Variants in PRKCA observed in about 807,000 individuals in gnomAD.
PRKCA encodes the protein protein kinase C alpha type.
In PRKCA, 27 loss-of-function variants were observed where a neutral mutation model predicts 87.0. That is an observed-to-expected ratio of 0.31 (90% CI 0.23 to 0.43). PRKCA has a LOEUF of 0.43. Among genes scored for constraint, PRKCA ranks in the 20% least tolerant of loss-of-function variants. The pLI, the probability that PRKCA is intolerant of heterozygous loss-of-function variation, is 1.00. For missense variants in PRKCA, 518 were observed against 852.3 expected (o/e 0.61, Z 4.88); for synonymous variants, 329 against 311.1 (o/e 1.06, Z -0.61).
intron 8 of PRKCA, among the ~76,000 whole-genome samples, chr17:66,700,739 G>A (rs550686140): frequency 1.1e-4 from 16 of 152,142 alleles, no homozygotes; most frequent in Non-Finnish European, 1.9e-4. Context: ...AAATTTAACC[G>A]AGGAGGTGAA....
chr17:66,398,959 G>C (rs574305183), intron 2 of PRKCA, among the ~76,000 whole-genome samples: 4 of 151,986 alleles, frequency 2.6e-5, no homozygotes, highest in Non-Finnish European at 5.9e-5. Flanking sequence ...TGTATTTACT[G>C]GTTCTGCATT....
intron 2 of PRKCA, among the ~76,000 whole-genome samples, chr17:66,402,268 G>A (rs1911076570): frequency 6.6e-6 from 1 of 152,132 alleles, no homozygotes; most frequent in African/African-American, 2.4e-5. Context: ...AAGATCCTTA[G>A]GACCTTTGTC....
chr17:66,691,587 C>G (rs1972786415), intron 8 of PRKCA, among the ~76,000 whole-genome samples: 1 of 152,184 alleles, frequency 6.6e-6, no homozygotes, highest in African/African-American at 2.4e-5. Context: ...TTCTTGAGCC[C>G]CATCCCTGAT....
intron 5 of PRKCA, among the ~76,000 whole-genome samples, chr17:66,672,150 CATA>C (rs1972205893): frequency 6.6e-6 from 1 of 152,190 alleles, no homozygotes; most frequent in South Asian, 2.1e-4. Context: ...GATTTAACTA[CATA>C]ATAAGTTAAG....
At chr17:66,371,427 G>T (rs1243012110) in intron 2 of PRKCA, among the ~76,000 whole-genome samples, 1 of 152,180 alleles carries the variant, frequency 6.6e-6, no homozygotes, top group Non-Finnish European at 1.5e-5. Flanking sequence ...AATGGAAACC[G>T]GGGGTGAGAT....
At chr17:66,784,069 C>T (rs1975314939) in intron 14 of PRKCA, among the ~76,000 whole-genome samples, 1 of 152,228 alleles carries the variant, frequency 6.6e-6, no homozygotes, top group South Asian at 2.1e-4. Flanking sequence ...AAGTATGTGT[C>T]TGGCCCTGAC....
At chr17:66,739,001 G>A in intron 11 of PRKCA, 146 bp downstream of exon 11, 1 of 640,672 alleles carries the variant, frequency 1.6e-6, no homozygotes, top group Non-Finnish European at 2.8e-6. Flanking sequence ...TCCCACCTCA[G>A]CCTCCTGAGT....
intron 13 of PRKCA, among the ~76,000 whole-genome samples, chr17:66,765,438 A>ATCTATATATCTATATATC (rs1568020999): frequency 7.4e-6 from 1 of 135,892 alleles, no homozygotes; most frequent in African/African-American, 2.7e-5. Flanking sequence ...ATATATATAT[A>ATCTATATATCTATATATC]TATATATATA....
chr17:66,515,561 G>A (rs964373534), intron 3 of PRKCA, among the ~76,000 whole-genome samples: 2 of 152,072 alleles, frequency 1.3e-5, no homozygotes, highest in African/African-American at 4.8e-5. Flanking sequence ...TTTGCGGGGG[G>A]TAGGGTGTCT....
intron 2 of PRKCA, among the ~76,000 whole-genome samples, chr17:66,330,790 A>G (rs1906280757): frequency 6.6e-6 from 1 of 152,208 alleles, no homozygotes. Flanking sequence ...AGGAAAAACA[A>G]TTTTGGACTT....
chr17:66,308,221 A>G (rs943291424), intron 2 of PRKCA, among the ~76,000 whole-genome samples: 3 of 152,186 alleles, frequency 2.0e-5, no homozygotes, highest in Admixed American at 6.5e-5. Flanking sequence ...GGGTGCTGCT[A>G]AATTGCTCTT....
intron 3 of PRKCA, among the ~76,000 whole-genome samples, chr17:66,566,474 TTTTTG>T (rs1968893033): frequency 2.4e-5 from 3 of 124,136 alleles, no homozygotes; most frequent in African/African-American, 9.2e-5. Flanking sequence ...CTGTTGTTGT[TTTTTG>T]GTTTTTTTTT....
chr17:66,389,099 G>A (rs1290778336), intron 2 of PRKCA, among the ~76,000 whole-genome samples: 4 of 152,116 alleles, frequency 2.6e-5, no homozygotes, highest in Admixed American at 6.6e-5. Context: ...CTAATAAAAC[G>A]GCGCGGCACC....
intron 5 of PRKCA, among the ~76,000 whole-genome samples, chr17:66,680,309 C>T (rs1461736088): frequency 2.0e-5 from 3 of 152,156 alleles, no homozygotes; most frequent in Admixed American, 1.3e-4. Flanking sequence ...TTTGTTTACT[C>T]TCGCTTTTGC....
intron 3 of PRKCA, among the ~76,000 whole-genome samples, chr17:66,590,687 T>C (rs1281145192): frequency 1.3e-5 from 2 of 152,046 alleles, no homozygotes; most frequent in African/African-American, 2.4e-5. Context: ...CCATCTCTAC[T>C]AAAAATACAA....
At chr17:66,583,145 T>G (rs192170294) in intron 3 of PRKCA, among the ~76,000 whole-genome samples, 1 of 152,330 alleles carries the variant, frequency 6.6e-6, no homozygotes, top group African/African-American at 2.4e-5. Context: ...TTTTTTGTTT[T>G]CACTCAAAAC....
In PRKCA at chr17:66,752,925, C is replaced by T. The variant is rs188409597; in HGVS notation, c.1524+10165C>T. On this transcript the variant is annotated intron_variant, in intron 13 of 16. Coordinates refer to ENST00000413366, the MANE Select transcript of PRKCA (RefSeq NM_002737.3). ...CAGGTCAAAGACAGTGAGGACCAGG[C>T]AAGAGGGCCCCTGCCTTGTGTTTTA... Among the ~76,000 whole-genome samples, 246 of 152,332 alleles carry T rather than the reference C, an allele frequency of 1.6e-3. 1 individual carries two copies. The highest frequency in any genetic ancestry group is 1.6e-3 in the Non-Finnish European group (112 of 68,022).
chr17:66,430,642 T>C (rs1875731570), intron 2 of PRKCA, among the ~76,000 whole-genome samples: 1 of 152,054 alleles, frequency 6.6e-6, no homozygotes, highest in Admixed American at 6.5e-5. Context: ...TTACAGATCT[T>C]CCTCCATTAG....
intron 3 of PRKCA, among the ~76,000 whole-genome samples, chr17:66,568,223 A>C (rs1444553816): frequency 6.6e-6 from 1 of 152,196 alleles, no homozygotes; most frequent in Non-Finnish European, 1.5e-5. Context: ...CTGAAGCATG[A>C]GAATCACTTG....
Sources: gnomAD v4.1 joint callset for allele counts (sites outside exome capture counted in the v4.1 genomes callset) on GRCh38, gnomAD v4.1.1 for gene constraint, MANE v1.5 for transcripts, NCBI Gene and HGNC (gene_info 2026-07-23, HGNC 2026-07-21) for gene names.